The following CFAP74 variants were observed in gnomAD, a reference collection of about 807,000 sequenced individuals.
The protein encoded by CFAP74 is cilia and flagella associated protein 74, also known as cilia- and flagella-associated protein 74.
In CFAP74, 124 loss-of-function variants were observed where a neutral mutation model predicts 188.9. The observed-to-expected ratio is 0.66, with a 90% CI of 0.57 to 0.76. CFAP74 has a LOEUF of 0.76. CFAP74 is among the 30% of genes least tolerant of loss of function. The probability of loss-of-function intolerance (pLI) is 0.00; values close to 1 mark genes in which losing one functional copy is unlikely to be tolerated. For missense variants in CFAP74, 2,198 were observed against 2,165.2 expected (o/e 1.02, Z -0.30); for synonymous variants, 956 against 916.7 (o/e 1.04, Z -0.77).
chr1:1,946,796 TG>T (rs1041295494), intron 19 of CFAP74, among the ~76,000 whole-genome samples, 193 bp downstream of exon 19: 13 of 152,272 alleles, frequency 8.5e-5, no homozygotes, highest in Admixed American at 3.3e-4. Context: ...CCGGAGGCGG[TG>T]GCCCCATGCC....
rs146150343 is a variant in CFAP74, at chr1:1,959,120, C to T, written c.1851G>A (p.Ser617=). Reference sequence around the variant, plus strand: ...CTGGCTCGGACACCTTTGAACTCACCGAACATTTCTTTGTTGAACATTTCA... The same window carrying T: ...CTGGCTCGGACACCTTTGAACTCACTGAACATTTCTTTGTTGAACATTTCA... The part of the protein sequence containing the change: ...VPLKCSTKKC[S]LSLDKELIDF... Residue 617 remains serine (S), a splice_region_variant and synonymous_variant, in exon 16 of 39, where the codon TCG becomes TCA. Transcript: ENST00000682832. The T allele has an allele frequency of 2.8e-3, 4,521 of 1,608,520 alleles. 9 individuals carry two copies. The highest frequency in any genetic ancestry group is 4.0e-3 in the South Asian group (364 of 90,930).
At chr1:1,964,610 T>C (rs1033398043) in intron 13 of CFAP74, among the ~76,000 whole-genome samples, 1 of 152,160 alleles carries the variant, frequency 6.6e-6, no homozygotes, top group Non-Finnish European at 1.5e-5. Context: ...GCCTACATGG[T>C]GAAACCCCGT....
intron 33 of CFAP74, among the ~76,000 whole-genome samples, chr1:1,925,353 A>G (rs1200204760): frequency 2.7e-5 from 4 of 145,782 alleles, no homozygotes; most frequent in African/African-American, 7.7e-5. Context: ...AAGGCATGAG[A>G]GCACACAGGG....
At chr1:1,922,798 G>A in intron 37 of CFAP74, 75 bp from the exon 38 acceptor site, 1 of 1,528,658 alleles carries the variant, frequency 6.5e-7, no homozygotes, top group Non-Finnish European at 8.8e-7. Flanking sequence ...GGGTGAGGGT[G>A]CCCAGCTCCA....
chr1:1,959,464 C>T (rs1444301889), intron 15 of CFAP74, among the ~76,000 whole-genome samples: 1 of 152,130 alleles, frequency 6.6e-6, no homozygotes, highest in African/African-American at 2.4e-5. Flanking sequence ...CGGGGTCTCG[C>T]CATGTTGCCC....
At chr1:1,948,173 G>A (rs541068570) in intron 18 of CFAP74, among the ~76,000 whole-genome samples, 2 of 152,028 alleles carry the variant, frequency 1.3e-5, no homozygotes, top group East Asian at 1.9e-4. Context: ...GCCCGGCCAA[G>A]GGTCCCCGGT....
At chr1:1,948,414 T>A (rs1653932291) in intron 18 of CFAP74, among the ~76,000 whole-genome samples, 1 of 147,628 alleles carries the variant, frequency 6.8e-6, no homozygotes, top group Non-Finnish European at 1.5e-5. Context: ...CATATATAAA[T>A]ATATATATAT....
At chr1:1,960,546 G>A (rs564888172) in intron 14 of CFAP74, among the ~76,000 whole-genome samples, 49 of 152,362 alleles carry the variant, frequency 3.2e-4, no homozygotes, top group African/African-American at 1.1e-3. Flanking sequence ...ACTTGAGGGA[G>A]CTGGTCTGTC....
rs1656385875 is a variant in CFAP74 at position 1,975,584 on chromosome 1, ATTT to A, written c.501-1389_501-1387del. Among the ~76,000 whole-genome samples, 1 of 152,012 alleles carries A rather than the reference ATTT, an allele frequency of 6.6e-6. No homozygotes were observed. Among genetic ancestry groups the A allele is most frequent in the South Asian group, 2.1e-4 (1 of 4,818 alleles). On this transcript the variant is annotated intron_variant, in intron 6 of 38. Transcript: ENST00000682832. This position sits in a 1 kb window ranked among gnomAD's most constrained non-coding sequence, Gnocchi z 4.5. ...GCATACCATGTTCTTTGTTGGGGTA[ATTT>A]TAAACAGAGGGCTCCTTTCCAGGGA...
chr1:1,957,285 C>T (rs1483565552), intron 16 of CFAP74, among the ~76,000 whole-genome samples: 1 of 152,192 alleles, frequency 6.6e-6, no homozygotes, highest in African/African-American at 2.4e-5. Context: ...TCGGCTCTGC[C>T]CAATGGCCCC....
chr1:1,950,399 G>C (rs866370756), intron 18 of CFAP74, among the ~76,000 whole-genome samples: 39 of 151,116 alleles, frequency 2.6e-4, no homozygotes, highest in Middle Eastern at 6.4e-3. Flanking sequence ...GAGTGCAATG[G>C]TGCAGTCTCA....
intron 25 of CFAP74, among the ~76,000 whole-genome samples, chr1:1,936,865 C>A (rs549258261): frequency 2.6e-5 from 4 of 151,846 alleles, no homozygotes; most frequent in Admixed American, 2.0e-4. Flanking sequence ...GTGATTGCAC[C>A]CCTTGCATTC....
At chr1:1,954,850 A>G (rs2102059669) in intron 18 of CFAP74, 1 of 1,148,944 alleles carries the variant, frequency 8.7e-7, no homozygotes, top group Non-Finnish European at 1.1e-6. Flanking sequence ...TGCAGGCATG[A>G]GCCCCAGCCA....
intron 1 of CFAP74, among the ~76,000 whole-genome samples, chr1:1,992,769 T>C (rs377640795): frequency 3.3e-5 from 5 of 151,866 alleles, no homozygotes; most frequent in African/African-American, 9.7e-5. Flanking sequence ...CCACCACGCC[T>C]GGCCCAAAAA....
At chr1:1,946,913 G>T in intron 19 of CFAP74, 77 bp downstream of exon 19, 1 of 1,155,772 alleles carries the variant, frequency 8.7e-7, no homozygotes, top group Non-Finnish European at 1.2e-6. Context: ...CCAGTGGGTT[G>T]GGGTGCAGCT....
At position 1,923,514 on chromosome 1, in the gene CFAP74, T is replaced by G; in HGVS notation, c.4390-15A>C. ...TGGGAGATTTTCTGGGGACAAGAAG[T>G]GGAGTGGCCTTGTCCCCGAAGCTCG... On this transcript the variant is annotated splice_polypyrimidine_tract_variant and intron_variant, in intron 35 of 38. Transcript: ENST00000682832. The surrounding 1 kb of genome is among the most constrained non-coding windows in gnomAD (Gnocchi z 6.3). 1.2e-6 allele frequency: 2 copies of G among 1,601,542 alleles called. No homozygotes were observed. Among genetic ancestry groups the G allele is most frequent in the African/African-American group, 2.7e-5 (2 of 74,726 alleles).
rs111593654 is a variant in CFAP74, at chr1:1,997,860, C to T, written c.-20+5841G>A. 3.2e-3 allele frequency among the ~76,000 whole-genome samples: 488 copies of T among 152,320 alleles called. 2 individuals carry two copies. The highest frequency in any genetic ancestry group is 0.011 in the African/African-American group (473 of 41,574). ...TTTAAGTGAAAAGAGCCTCAAGAGA[C>T]AAGTCGGCCACATGCAACCTGGGGA... is the stretch of plus-strand genomic sequence containing the variant. On this transcript the variant is annotated intron_variant, in intron 1 of 38. Transcript: ENST00000682832.
chr1:1,922,833 CT>C lies in CFAP74; in HGVS notation c.4684-111del, dbSNP rs1651491666. The C allele has an allele frequency of 2.0e-6, 3 of 1,483,594 alleles. No individual in the cohort carries two copies. In the South Asian group the frequency reaches 4.0e-5, roughly 20 times the overall value. 91.9% of individuals were successfully genotyped at this position (1,483,594 alleles called of 1,614,324 possible). A position where few individuals can be genotyped will look rare whatever the true frequency, so the allele number is the denominator to read the frequency against. ...ACTCACCCTCCCAGCTCTGACCAGGCTGCCCACCCCACAGCTGCCACAGGAA... is the reference window on the plus strand; with the variant it reads ...ACTCACCCTCCCAGCTCTGACCAGGCGCCCACCCCACAGCTGCCACAGGAA... On this transcript the variant is annotated intron_variant, in intron 37 of 38. Coordinates refer to ENST00000682832, the MANE Select transcript of CFAP74 (RefSeq NM_001304360.2).
chr1:1,956,827 C>T (rs537693669), intron 16 of CFAP74, 43 bp from the exon 17 acceptor site: 45 of 1,594,624 alleles, frequency 2.8e-5, no homozygotes, highest in Non-Finnish European at 3.8e-5. Context: ...CCGTGCCAGG[C>T]CCACAGGGTG....
Sources: allele counts gnomAD v4.1 joint callset (sites outside exome capture counted in the v4.1 genomes callset), GRCh38; gene constraint gnomAD v4.1.1; non-coding constraint Gnocchi (gnomAD v3.1); transcripts MANE v1.5; gene names NCBI Gene and HGNC (gene_info 2026-07-23, HGNC 2026-07-21).